Variants in PPP1R9A observed in about 807,000 individuals in gnomAD.
The protein encoded by PPP1R9A is protein phosphatase 1 regulatory subunit 9A.
A neutral mutation model predicts 141.9 loss-of-function variants in PPP1R9A; 59 were observed. That is an observed-to-expected ratio of 0.42 (90% CI 0.34 to 0.52). The LOEUF is 0.52. Among genes scored for constraint, PPP1R9A ranks in the 20% least tolerant of loss-of-function variants. The pLI is 0.10. For missense variants in PPP1R9A, 1,444 were observed against 1,611.9 expected (o/e 0.90, Z 1.78); for synonymous variants, 500 against 569.7 (o/e 0.88, Z 1.74).
chr7:95,232,788 T>C (rs1384247668), intron 8 of PPP1R9A, among the ~76,000 whole-genome samples: 1 of 152,170 alleles, frequency 6.6e-6, no homozygotes, highest in South Asian at 2.1e-4. Context: ...TCACTGGTCA[T>C]TGGAGAAATG....
At chr7:95,064,445 A>T (rs1174482469) in intron 2 of PPP1R9A, among the ~76,000 whole-genome samples, 1 of 152,218 alleles carries the variant, frequency 6.6e-6, no homozygotes, top group East Asian at 1.9e-4. Context: ...GGCACTGTGC[A>T]TAGGAGATAT....
intron 4 of PPP1R9A, chr7:95,156,606 G>A (rs1277440200): frequency 6.6e-6 from 1 of 152,294 alleles, no homozygotes; most frequent in Non-Finnish European, 1.5e-5. Flanking sequence ...ACCTGCAGAG[G>A]GTAGCTCCTT....
intron 5 of PPP1R9A, among the ~76,000 whole-genome samples, chr7:95,179,951 A>C (rs1407731559): frequency 6.6e-6 from 1 of 152,162 alleles, no homozygotes; most frequent in East Asian, 1.9e-4. Flanking sequence ...CCATACTGAC[A>C]AAAGCAATCT....
intron 2 of PPP1R9A, among the ~76,000 whole-genome samples, chr7:95,049,840 T>C (rs924544568): frequency 9.9e-5 from 15 of 152,218 alleles, no homozygotes; most frequent in African/African-American, 3.4e-4. Context: ...TGTCTTTTCA[T>C]GGCTTGATAG....
At chr7:95,120,584 C>T (rs1396219943) in intron 3 of PPP1R9A, 128 bp from the exon 4 acceptor site, 3 of 1,029,806 alleles carry the variant, frequency 2.9e-6, no homozygotes, top group Non-Finnish European at 4.1e-6. Context: ...TCTGCTAAAG[C>T]AAGCATGTTA....
At chr7:95,146,523 G>C (rs1827646174) in intron 4 of PPP1R9A, among the ~76,000 whole-genome samples, 2 of 152,016 alleles carry the variant, frequency 1.3e-5, no homozygotes. Flanking sequence ...TGTGAATTTT[G>C]GCTTTTGTTG....
intron 14 of PPP1R9A, among the ~76,000 whole-genome samples, chr7:95,272,329 AT>A (rs1228992866): frequency 6.6e-6 from 1 of 152,238 alleles, no homozygotes; most frequent in Admixed American, 6.5e-5. Flanking sequence ...TATTAAGAAA[AT>A]TTAAATCTTG....
chr7:95,049,677 C>T (rs1194084480), intron 2 of PPP1R9A, among the ~76,000 whole-genome samples: 1 of 152,068 alleles, frequency 6.6e-6, no homozygotes, highest in Non-Finnish European at 1.5e-5. Flanking sequence ...CCACTGTGCT[C>T]TGCCAATTAA....
At chr7:95,187,528 T>A in intron 5 of PPP1R9A, among the ~76,000 whole-genome samples, 1 of 152,178 alleles carries the variant, frequency 6.6e-6, no homozygotes, top group Admixed American at 6.5e-5. Context: ...TCTGCTCTAA[T>A]GTTGGTTCTT....
chr7:95,212,636 T>A (rs1792372286), intron 7 of PPP1R9A, among the ~76,000 whole-genome samples: 1 of 152,188 alleles, frequency 6.6e-6, no homozygotes, highest in Non-Finnish European at 1.5e-5. Flanking sequence ...TGGAAGGCAG[T>A]CATGTCAGCC....
chr7:95,207,666 A>T (rs1791119903), intron 7 of PPP1R9A, among the ~76,000 whole-genome samples: 1 of 152,166 alleles, frequency 6.6e-6, no homozygotes, highest in Non-Finnish European at 1.5e-5. Flanking sequence ...TAAAGAAATA[A>T]ATTGTAAAGA....
intron 5 of PPP1R9A, among the ~76,000 whole-genome samples, chr7:95,197,968 A>G (rs1836533465): frequency 6.6e-6 from 1 of 152,182 alleles, no homozygotes; most frequent in African/African-American, 2.4e-5. Flanking sequence ...TTTTTGAAGT[A>G]ATTTTTGTTA....
At chr7:95,167,350 T>C (rs1184770444) in intron 5 of PPP1R9A, among the ~76,000 whole-genome samples, 1 of 152,134 alleles carries the variant, frequency 6.6e-6, no homozygotes, top group African/African-American at 2.4e-5. Flanking sequence ...GGCGTAACAA[T>C]TGAAGATGAG....
intron 6 of PPP1R9A, among the ~76,000 whole-genome samples, chr7:95,203,050 C>T (rs1055710356): frequency 6.6e-6 from 1 of 152,042 alleles, no homozygotes; most frequent in Non-Finnish European, 1.5e-5. Flanking sequence ...ATCATCACTC[C>T]AGAAACTGAA....
intron 4 of PPP1R9A, among the ~76,000 whole-genome samples, chr7:95,145,739 G>C (rs1027693850): frequency 2.6e-5 from 4 of 152,152 alleles, no homozygotes; most frequent in Non-Finnish European, 4.4e-5. Context: ...TTACGAGAGA[G>C]AACATGTGGT....
At chr7:95,111,980 G>A (rs1820656008) in intron 3 of PPP1R9A, among the ~76,000 whole-genome samples, 3 of 151,686 alleles carry the variant, frequency 2.0e-5, no homozygotes, top group Admixed American at 2.0e-4. Context: ...TGTAAGATGG[G>A]CACCCAAGAA....
intron 2 of PPP1R9A, among the ~76,000 whole-genome samples, chr7:95,029,622 T>C (rs546631089): frequency 1.3e-5 from 2 of 152,184 alleles, no homozygotes; most frequent in Non-Finnish European, 2.9e-5. Context: ...ACTTAATAAC[T>C]TTGGTAAAGA....
At chr7:94,972,626 T>C (rs1354364601) in intron 2 of PPP1R9A, among the ~76,000 whole-genome samples, 2 of 152,176 alleles carry the variant, frequency 1.3e-5, no homozygotes, top group East Asian at 3.8e-4. Flanking sequence ...TCCAGCTGTG[T>C]TTCCTGGGTT....
intron 2 of PPP1R9A, among the ~76,000 whole-genome samples, chr7:94,919,720 A>C (rs1792549826): frequency 6.6e-6 from 1 of 152,192 alleles, no homozygotes; most frequent in Non-Finnish European, 1.5e-5. Context: ...ACCATCTATA[A>C]GATGAGTGAT....
Sources: allele counts gnomAD v4.1 joint callset (sites outside exome capture counted in the v4.1 genomes callset), GRCh38; gene constraint gnomAD v4.1.1; transcripts MANE v1.5; gene names NCBI Gene and HGNC (gene_info 2026-07-23, HGNC 2026-07-21).